AZIN1: variants seen among roughly 807,000 people sequenced by gnomAD.
The protein encoded by AZIN1 is antizyme inhibitor 1.
A neutral mutation model predicts 47.4 loss-of-function variants in AZIN1; 12 were observed. That is an observed-to-expected ratio of 0.25 (90% confidence interval 0.16 to 0.41). The LOEUF (loss-of-function observed/expected upper bound fraction) is 0.41, where lower values mean the gene tolerates loss of function less well. Among genes scored for constraint, AZIN1 ranks in the 10% least tolerant of loss-of-function variants. The pLI is 1.00. For missense variants in AZIN1, 410 were observed against 532.4 expected, an observed-to-expected ratio of 0.77 and a Z score of 2.26; for synonymous variants, 155 against 176.3, an observed-to-expected ratio of 0.88 and a Z score of 0.96.
rs940097632 is a variant in AZIN1, at chr8:102,836,178, G to A, written c.584+78C>T. ...GCATCTTAGATTTCATGCAAATAAA[G>A]TCTTAAATCAATAACCAGAAAGACA... On this transcript the variant is annotated intron_variant, in intron 6 of 11. Transcript: ENST00000337198. The A allele has an allele frequency of 7.0e-6, 10 of 1,432,202 alleles. No individual in the cohort carries two copies. The East Asian group carries it at 2.3e-4, about 33-fold the overall frequency. The allele number at this position is 1,432,202 out of a possible 1,614,324, so 88.7% of individuals were successfully genotyped here.
intron 9 of AZIN1, among the ~76,000 whole-genome samples, chr8:102,830,401 CAAAAAAAA>C (rs34437491): frequency 3.3e-5 from 3 of 90,584 alleles, no homozygotes; most frequent in Middle Eastern, 5.6e-3. Flanking sequence ...GACCCTGTCT[CAAAAAAAA>C]AAAAAAAAAA....
Position 102,834,208 on chromosome 8 carries a change from G to T in AZIN1, c.722C>A (p.Thr241Asn). The T allele has an allele frequency of 1.2e-6, 2 of 1,612,582 alleles. No homozygotes were observed. Among genetic ancestry groups the T allele is most frequent in the Non-Finnish European group, 1.7e-6 (2 of 1,179,612 alleles). Residue 241 changes from threonine to asparagine, a missense_variant, in exon 8 of 12, where the codon ACT (threonine) becomes AAT (asparagine). This residue lies in a region of AZIN1 where 237 missense variants were observed against 309.4 expected (regional missense o/e 0.77). Coordinates refer to ENST00000337198, the MANE Select transcript of AZIN1 (RefSeq NM_148174.4). ...MLDIGGGFTG[T>N]EFQLEEVNHV... is the part of the protein sequence containing the mutation. ...GTTTACCTCTTCCAATTGAAATTCA[G>T]TTCCCGTGAATCCTCCACCAATGTC...
chr8:102,839,892 A>G, intron 3 of AZIN1, 69 bp from the exon 4 acceptor site: 1 of 1,122,104 alleles, frequency 8.9e-7, no homozygotes, highest in East Asian at 2.5e-5. Flanking sequence ...TCAAAACAGG[A>G]AAGAACACCT....
intron 1 of AZIN1, among the ~76,000 whole-genome samples, chr8:102,862,021 G>GCTA (rs1813699468): frequency 3.3e-5 from 5 of 151,332 alleles, no homozygotes; most frequent in Admixed American, 3.3e-4. Context: ...GGGCGACAGA[G>GCTA]CTAGACTCCA....
intron 2 of AZIN1, among the ~76,000 whole-genome samples, chr8:102,850,659 TAAC>T (rs1358917162): frequency 6.6e-6 from 1 of 152,142 alleles, no homozygotes; most frequent in African/African-American, 2.4e-5. Context: ...TGATAGACAA[TAAC>T]AACAGCCTAC....
chr8:102,829,340 G>T lies in AZIN1; in HGVS notation c.1167C>A (p.Phe389Leu). The part of the protein sequence containing the change: ...LIFDNMGADS[F>L]HEPSAFNDFQ... ...AATCATTAAAAGCAGATGGTTCATG[G>T]AAAGAATCTGCTCCCATGTTATCAA... is the stretch of plus-strand genomic sequence containing the variant. Residue 389 changes from phenylalanine (F) to leucine (L), a missense_variant, in exon 11 of 12, where the codon TTC becomes TTA. Transcript: ENST00000337198. The T allele has an allele frequency of 6.2e-7, 1 of 1,613,970 alleles. No individual in the cohort carries two copies. Among genetic ancestry groups the T allele is most frequent in the African/African-American group, 1.3e-5 (1 of 75,014 alleles).
At chr8:102,836,532 A>C (rs1362334171) in intron 5 of AZIN1, 142 bp from the exon 6 acceptor site, 23 of 875,474 alleles carry the variant, frequency 2.6e-5, no homozygotes, top group Non-Finnish European at 3.6e-6. Flanking sequence ...GAACCTAATG[A>C]AAAACAATCC....
At chr8:102,844,014 T>C (rs1268203673) in intron 2 of AZIN1, among the ~76,000 whole-genome samples, 1 of 152,250 alleles carries the variant, frequency 6.6e-6, no homozygotes, top group East Asian at 1.9e-4. Flanking sequence ...GTCACCTTAC[T>C]TACAGAGTTG....
At position 102,838,790 on chromosome 8, in the gene AZIN1, T is replaced by G; in HGVS notation, c.403A>C (p.Asn135His). The change falls in exon 5 of 12, where the codon AAT (asparagine) becomes CAT (histidine). Residue 135 changes from asparagine (N) to histidine (H), a missense_variant. By Grantham distance (68) the Asn-to-His change is moderately conservative. Coordinates refer to ENST00000337198, the MANE Select transcript of AZIN1 (RefSeq NM_148174.4). Reference sequence around the variant, plus strand: ...GCAATTTTCTTCAATTCAATTTCATTGTCACATGTCAGGATATTCACTCCA... The same window carrying G: ...GCAATTTTCTTCAATTCAATTTCATGGTCACATGTCAGGATATTCACTCCA... ...KVGVNILTCD[N>H]EIELKKIARN... 2 of 1,613,392 alleles carry G rather than the reference T, an allele frequency of 1.2e-6. No homozygotes were observed. Among genetic ancestry groups the G allele is most frequent in the Admixed American group, 1.7e-5 (1 of 59,840 alleles).
intron 1 of AZIN1, among the ~76,000 whole-genome samples, chr8:102,862,869 G>A (rs1813781905): frequency 6.6e-6 from 1 of 152,176 alleles, no homozygotes. Flanking sequence ...CTTTGTCTAC[G>A]AAACACACAT....
chr8:102,850,524 T>G (rs143812446), intron 2 of AZIN1, among the ~76,000 whole-genome samples: 3 of 152,178 alleles, frequency 2.0e-5, no homozygotes, highest in African/African-American at 7.2e-5. Context: ...ATGTGAGACC[T>G]TGAGTAGGTC....
intron 2 of AZIN1, chr8:102,856,149 AT>A (rs1813281131): frequency 6.6e-6 from 1 of 151,528 alleles, no homozygotes. Flanking sequence ...CTATAAAAAA[AT>A]TTTTTTAAAG....
intron 1 of AZIN1, among the ~76,000 whole-genome samples, chr8:102,860,213 A>T (rs1813541764): frequency 6.6e-6 from 1 of 152,268 alleles, no homozygotes; most frequent in South Asian, 2.1e-4. Context: ...AGAATAGCAC[A>T]GAGAGGGCTC....
chr8:102,838,959 T>C (rs575128732), intron 4 of AZIN1, 43 bp from the exon 5 acceptor site: 16 of 1,548,120 alleles, frequency 1.0e-5, no homozygotes, highest in Non-Finnish European at 1.2e-5. Context: ...ATGTCACAGT[T>C]CATATTCTGG....
chr8:102,842,481 G>A (rs750493646), intron 3 of AZIN1, among the ~76,000 whole-genome samples: 3 of 151,930 alleles, frequency 2.0e-5, no homozygotes, highest in Admixed American at 6.6e-5. Flanking sequence ...CAAGGTGGGC[G>A]GATCACCTCA....
At chr8:102,845,248 G>A (rs1812499830) in intron 2 of AZIN1, among the ~76,000 whole-genome samples, 1 of 151,668 alleles carries the variant, frequency 6.6e-6, no homozygotes, top group African/African-American at 2.4e-5. Flanking sequence ...CATTTTGGCT[G>A]CACCAAAACA....
chr8:102,860,382 C>A (rs1188318578), intron 1 of AZIN1, among the ~76,000 whole-genome samples: 1 of 152,202 alleles, frequency 6.6e-6, no homozygotes, highest in Non-Finnish European at 1.5e-5. Context: ...CCTGCCTCAG[C>A]CTTCCGAGTA....
chr8:102,862,092 A>C (rs1813707568), intron 1 of AZIN1, among the ~76,000 whole-genome samples: 1 of 152,028 alleles, frequency 6.6e-6, no homozygotes, highest in Non-Finnish European at 1.5e-5. Flanking sequence ...TTGAAAGGAC[A>C]AGAAAAAACT....
intron 3 of AZIN1, among the ~76,000 whole-genome samples, chr8:102,843,080 G>A (rs550965679): frequency 6.6e-6 from 1 of 151,632 alleles, no homozygotes; most frequent in South Asian, 2.1e-4. Flanking sequence ...GGTGGTGTGC[G>A]CCTGTAATTC....
Sources: gnomAD v4.1 joint callset for allele counts (sites outside exome capture counted in the v4.1 genomes callset) on GRCh38, gnomAD v4.1.1 for gene constraint, gnomAD v4.1.1 regional missense constraint, MANE v1.5 for transcripts, NCBI Gene and HGNC (gene_info 2026-07-23, HGNC 2026-07-21) for gene names.